The following HMOX2 variants were observed in gnomAD, a reference collection of about 807,000 sequenced individuals.
The protein encoded by HMOX2 is heme oxygenase 2.
In HMOX2, 30 loss-of-function variants were observed where a neutral mutation model predicts 33.7. The observed-to-expected ratio is 0.89, with a 90% CI of 0.67 to 1.21. The LOEUF (loss-of-function observed/expected upper bound fraction) is 1.21, where lower values mean the gene tolerates loss of function less well. HMOX2 is among the 50% of genes most tolerant of loss of function. The probability of loss-of-function intolerance (pLI) is 0.00; values close to 1 mark genes in which losing one functional copy is unlikely to be tolerated. For missense variants in HMOX2, 403 were observed against 399.1 expected (o/e 1.01, Z -0.08); for synonymous variants, 155 against 155.0 (o/e 1.00, Z 0.00).
At position 4,509,762 on chromosome 16, in the gene HMOX2, C is replaced by G; in HGVS notation, c.*6C>G. On this transcript the variant is annotated 3_prime_UTR_variant, in exon 6 of 6. Coordinates refer to ENST00000570646, the MANE Select transcript of HMOX2 (RefSeq NM_002134.4). ...TGGCCTGGTACTACATGTGAAGCAC[C>G]CATCATGCCACACCGGTACCCTCCT... is the stretch of plus-strand genomic sequence containing the variant. 6.2e-7 allele frequency: 1 copy of G among 1,611,124 alleles called. No individual in the cohort carries two copies. The highest frequency in any genetic ancestry group is 8.5e-7 in the Non-Finnish European group (1 of 1,179,076).
chr16:4,492,939 A>G (rs890869218), intron 1 of HMOX2, among the ~76,000 whole-genome samples: 2 of 152,194 alleles, frequency 1.3e-5, no homozygotes, highest in African/African-American at 4.8e-5. Context: ...CAGAAGGCTG[A>G]GGCACAGGAA....
At chr16:4,484,163 A>T (rs1032477069) in intron 1 of HMOX2, among the ~76,000 whole-genome samples, 4 of 151,482 alleles carry the variant, frequency 2.6e-5, no homozygotes, top group African/African-American at 9.7e-5. Context: ...TTTAGTAGAG[A>T]CGGGGTTTCA....
intron 1 of HMOX2, among the ~76,000 whole-genome samples, chr16:4,493,613 C>G (rs2058352223): frequency 6.6e-6 from 1 of 152,218 alleles, no homozygotes; most frequent in African/African-American, 2.4e-5. Flanking sequence ...CATCTATGTG[C>G]TGCCTCTTGG....
upstream of HMOX2, among the ~76,000 whole-genome samples, chr16:4,475,379 C>T (rs2057791532): frequency 6.6e-6 from 1 of 151,516 alleles, no homozygotes; most frequent in Non-Finnish European, 1.5e-5. Flanking sequence ...GCGATCTTGG[C>T]TCACTGCAAC....
chr16:4,506,706 C>T (rs555958247), intron 2 of HMOX2, among the ~76,000 whole-genome samples, 189 bp from the exon 3 acceptor site: 1 of 152,288 alleles, frequency 6.6e-6, no homozygotes, highest in African/African-American at 2.4e-5. Context: ...AGCAGAATGT[C>T]ATGTCTGCTT....
chr16:4,509,882 C>A lies in HMOX2; in HGVS notation c.*126C>A. The A allele has an allele frequency of 9.5e-7, 1 of 1,052,352 alleles. No individual in the cohort carries two copies. 65.2% of individuals were successfully genotyped at this position (1,052,352 alleles called of 1,614,324 possible). ...AAATGCTGGGTTTAAGAAAGGCAAC[C>A]AATAAAAGCCAGATGCTAGAGCCTC... On this transcript the variant is annotated 3_prime_UTR_variant, in exon 6 of 6. Coordinates refer to ENST00000570646, the MANE Select transcript of HMOX2 (RefSeq NM_002134.4).
intron 1 of HMOX2, among the ~76,000 whole-genome samples, chr16:4,489,251 GCTTATT>G (rs958234506): frequency 4.6e-5 from 7 of 152,114 alleles, no homozygotes; most frequent in African/African-American, 1.7e-4. Context: ...AGCATCAAAT[GCTTATT>G]CCCCCCACAA....
chr16:4,508,987 G>T (rs1188699810), intron 4 of HMOX2, among the ~76,000 whole-genome samples: 4 of 152,194 alleles, frequency 2.6e-5, no homozygotes, highest in Admixed American at 1.3e-4. Context: ...CACCAGTGCT[G>T]CTTGCTGTGT....
chr16:4,490,980 C>T (rs1250736130), intron 1 of HMOX2, among the ~76,000 whole-genome samples: 4 of 152,166 alleles, frequency 2.6e-5, no homozygotes, highest in Non-Finnish European at 5.9e-5. Flanking sequence ...AGTAGTATCC[C>T]TGACCTCTAC....
Position 4,501,888 on chromosome 16 carries a change from C to T in HMOX2, c.-41-3596C>T, listed in dbSNP as rs567502472. 6.6e-5 allele frequency among the ~76,000 whole-genome samples: 10 copies of T among 152,308 alleles called. No individual in the cohort carries two copies. The South Asian group carries it at 8.3e-4, about 13-fold the overall frequency. ...CAGTCTGTGGGTTGAATATGCTAAC[C>T]GAGCCTTCCCAGGAGCCTCCTCTGC... On this transcript the variant is annotated intron_variant, in intron 1 of 5. Coordinates refer to ENST00000570646, the MANE Select transcript of HMOX2 (RefSeq NM_002134.4).
At chr16:4,484,723 A>G (rs1231684559) in intron 1 of HMOX2, among the ~76,000 whole-genome samples, 19 of 152,094 alleles carry the variant, frequency 1.2e-4, no homozygotes, top group Admixed American at 1.2e-3. Flanking sequence ...GGGCTCCCAA[A>G]GTGCTGGTAT....
intron 1 of HMOX2, among the ~76,000 whole-genome samples, chr16:4,498,061 CTTTTT>C (rs35332500): frequency 4.8e-5 from 5 of 104,426 alleles, no homozygotes; most frequent in African/African-American, 1.1e-4. Context: ...GATTCATTGT[CTTTTT>C]TTTTTTTTTT....
intron 1 of HMOX2, among the ~76,000 whole-genome samples, chr16:4,500,541 C>G (rs977446955): frequency 1.3e-5 from 2 of 152,148 alleles, no homozygotes; most frequent in Admixed American, 6.5e-5. Flanking sequence ...GCTCAGCAAC[C>G]TGCTCTCTTC....
chr16:4,508,078 G>C lies in HMOX2; in HGVS notation c.570G>C (p.Glu190Asp). ...TGEGTQFYLF[E>D]NVDNAQQFKQ... is the part of the protein sequence containing the mutation. The stretch of plus-strand genomic sequence containing the variant: ...AAGGGACCCAGTTCTACCTGTTTGA[G>C]AATGTGGACAATGCCCAGCAGTTCA... Residue 190 changes from glutamate (E) to aspartate (D), a missense_variant, in exon 4 of 6, where the codon GAG becomes GAC. Glu to Asp is a conservative substitution (Grantham distance 45). Coordinates refer to ENST00000570646, the MANE Select transcript of HMOX2 (RefSeq NM_002134.4). 1 of 1,614,178 alleles carries C rather than the reference G, an allele frequency of 6.2e-7. No homozygotes were observed. Among genetic ancestry groups the C allele is most frequent in the South Asian group, 1.1e-5 (1 of 91,072 alleles).
At chr16:4,484,903 C>G (rs1438015381) in intron 1 of HMOX2, among the ~76,000 whole-genome samples, 1 of 150,734 alleles carries the variant, frequency 6.6e-6, no homozygotes, top group Non-Finnish European at 1.5e-5. Flanking sequence ...GTAATCATGA[C>G]AAGAAAAAAA....
intron 1 of HMOX2, among the ~76,000 whole-genome samples, chr16:4,481,117 C>T (rs1436490148): frequency 1.3e-5 from 2 of 151,082 alleles, no homozygotes; most frequent in African/African-American, 4.9e-5. Flanking sequence ...GAGGCGGAGG[C>T]GGGCGGATCA....
At chr16:4,493,311 T>C (rs2058347479) in intron 1 of HMOX2, among the ~76,000 whole-genome samples, 1 of 152,204 alleles carries the variant, frequency 6.6e-6, no homozygotes, top group African/African-American at 2.4e-5. Context: ...CTGCCTTGGC[T>C]TCTCAAAGTG....
chr16:4,480,645 CCTA>C (rs1165438522), intron 1 of HMOX2, among the ~76,000 whole-genome samples: 3 of 143,004 alleles, frequency 2.1e-5, no homozygotes, highest in Non-Finnish European at 4.5e-5. Flanking sequence ...CGGCTAAGGG[CCTA>C]CTATTTTTTT....
intron 1 of HMOX2, chr16:4,495,564 A>G (rs1309370658): frequency 2.6e-5 from 4 of 152,178 alleles, no homozygotes; most frequent in Non-Finnish European, 5.9e-5. Flanking sequence ...GCAGGCCCAG[A>G]GTGAGAAATT....
Sources: allele counts gnomAD v4.1 joint callset (sites outside exome capture counted in the v4.1 genomes callset), GRCh38; gene constraint gnomAD v4.1.1; transcripts MANE v1.5; gene names NCBI Gene and HGNC (gene_info 2026-07-23, HGNC 2026-07-21).